Variants in ADARB2 observed in about 807,000 individuals in gnomAD.
ADARB2 encodes the protein inactive double-stranded RNA-specific editase B2.
In ADARB2, 25 loss-of-function variants were observed where a neutral mutation model predicts 62.2. The observed-to-expected ratio is 0.40, with a 90% CI of 0.29 to 0.56. The LOEUF is 0.56. Among genes scored for constraint, ADARB2 ranks in the 20% least tolerant of loss-of-function variants. The pLI is 0.43. For synonymous variants in ADARB2, 572 were observed against 500.8 expected, an observed-to-expected ratio of 1.14 and a Z score of -1.90; for missense variants, 1,071 against 1,077.4, an observed-to-expected ratio of 0.99 and a Z score of 0.08.
chr10:1,585,557 C>A (rs1833164379), intron 1 of ADARB2, among the ~76,000 whole-genome samples: 1 of 152,116 alleles, frequency 6.6e-6, no homozygotes, highest in South Asian at 2.1e-4. Context: ...TGAGCCAGAC[C>A]AAGGCTTACG....
At chr10:1,434,338 C>A (rs1297504899) in intron 1 of ADARB2, among the ~76,000 whole-genome samples, 1 of 152,234 alleles carries the variant, frequency 6.6e-6, no homozygotes, top group South Asian at 2.1e-4. Context: ...GGCCCTCACT[C>A]TCCAAGGCCT....
chr10:1,573,935 C>T lies in ADARB2; in HGVS notation c.100+163116G>A, dbSNP rs185520655. On this transcript the variant is annotated intron_variant, in intron 1 of 9. Transcript: ENST00000381312. Reference sequence around the variant, plus strand: ...ACACAAGACACGTCCTGCTAACCCTCCATCTGTCATGAACTACATCTCTTA... The same window carrying T: ...ACACAAGACACGTCCTGCTAACCCTTCATCTGTCATGAACTACATCTCTTA... 6.6e-5 allele frequency among the ~76,000 whole-genome samples: 10 copies of T among 152,336 alleles called. No homozygotes were observed. The East Asian group carries it at 1.9e-3, about 29-fold the overall frequency.
At chr10:1,221,286 C>T (rs1830692924) in intron 6 of ADARB2, among the ~76,000 whole-genome samples, 1 of 152,110 alleles carries the variant, frequency 6.6e-6, no homozygotes, top group South Asian at 2.1e-4. Context: ...TCTGACAGTC[C>T]AAGTCATCAG....
intron 1 of ADARB2, among the ~76,000 whole-genome samples, chr10:1,449,138 C>A (rs1831007345): frequency 6.6e-6 from 1 of 152,184 alleles, no homozygotes; most frequent in Non-Finnish European, 1.5e-5. Context: ...CCAGGTCCCC[C>A]TCACCCGAGT....
intron 3 of ADARB2, among the ~76,000 whole-genome samples, chr10:1,302,992 C>G (rs1831589531): frequency 6.6e-6 from 1 of 152,318 alleles, no homozygotes; most frequent in African/African-American, 2.4e-5. Flanking sequence ...CAAAGGAACA[C>G]AGCTCCTCAC....
At chr10:1,267,795 A>C (rs1186070957) in intron 4 of ADARB2, among the ~76,000 whole-genome samples, 3 of 152,178 alleles carry the variant, frequency 2.0e-5, no homozygotes, top group African/African-American at 7.2e-5. Flanking sequence ...TTCCCAGCGG[A>C]ACTGTGCTGG....
At chr10:1,595,142 T>C (rs879436576) in intron 1 of ADARB2, among the ~76,000 whole-genome samples, 2 of 152,196 alleles carry the variant, frequency 1.3e-5, no homozygotes, top group African/African-American at 2.4e-5. Flanking sequence ...ACTTATAACA[T>C]AGCCGAGGTT....
chr10:1,499,074 T>C (rs1339518830), intron 1 of ADARB2, among the ~76,000 whole-genome samples: 1 of 152,102 alleles, frequency 6.6e-6, no homozygotes, highest in African/African-American at 2.4e-5. Context: ...TACTCTTCAT[T>C]AATCATTCAG....
At chr10:1,435,702 C>T (rs1830828561) in intron 1 of ADARB2, among the ~76,000 whole-genome samples, 1 of 152,226 alleles carries the variant, frequency 6.6e-6, no homozygotes, top group Non-Finnish European at 1.5e-5. Context: ...TCAGGCCTGC[C>T]TGCGTCCAGC....
At chr10:1,385,701 A>T (rs1432106245) in intron 1 of ADARB2, among the ~76,000 whole-genome samples, 2 of 152,160 alleles carry the variant, frequency 1.3e-5, no homozygotes, top group Admixed American at 6.5e-5. Context: ...AAAATGGAAA[A>T]ACTGTTAAGG....
intron 5 of ADARB2, among the ~76,000 whole-genome samples, chr10:1,239,953 T>C (rs867395343): frequency 0.17 from 350 of 2,026 alleles, 36 homozygotes; most frequent in Non-Finnish European, 0.19. Flanking sequence ...TCCCGGTGTT[T>C]ACTCCCCTCT....
At chr10:1,611,721 C>A (rs897119791) in intron 1 of ADARB2, among the ~76,000 whole-genome samples, 1 of 152,158 alleles carries the variant, frequency 6.6e-6, no homozygotes, top group Admixed American at 6.5e-5. Context: ...CCAGAAGTAG[C>A]GGATTCATTT....
chr10:1,561,729 A>AG (rs1832788146), intron 1 of ADARB2, among the ~76,000 whole-genome samples: 1 of 152,054 alleles, frequency 6.6e-6, no homozygotes, highest in Admixed American at 6.5e-5. Context: ...AACTCCCCCC[A>AG]GGTGGAGGTC....
chr10:1,214,430 G>A (rs1451725504), intron 7 of ADARB2, among the ~76,000 whole-genome samples: 2 of 128,754 alleles, frequency 1.6e-5, no homozygotes, highest in African/African-American at 3.2e-5. Flanking sequence ...ACCTTCTGGC[G>A]TTGTGTAGGT....
At chr10:1,266,520 G>T (rs1473017303) in intron 4 of ADARB2, among the ~76,000 whole-genome samples, 2 of 150,624 alleles carry the variant, frequency 1.3e-5, no homozygotes, top group African/African-American at 4.9e-5. Flanking sequence ...GTGGGGGGGG[G>T]GCCGTGCCCA....
intron 3 of ADARB2, among the ~76,000 whole-genome samples, chr10:1,325,925 C>T (rs1831840498): frequency 6.6e-6 from 1 of 151,440 alleles, no homozygotes; most frequent in East Asian, 1.9e-4. Flanking sequence ...CCTGTTTAAA[C>T]TCCTAACGCC....
chr10:1,534,826 G>C (rs1389058554), intron 1 of ADARB2: 6 of 166,064 alleles, frequency 3.6e-5, no homozygotes, highest in Non-Finnish European at 4.4e-5. Context: ...AAAAGAGTGG[G>C]GTGAGAGAGG....
chr10:1,632,501 C>T (rs1588331174), intron 1 of ADARB2, among the ~76,000 whole-genome samples: 1 of 152,386 alleles, frequency 6.6e-6, no homozygotes, highest in South Asian at 2.1e-4. Flanking sequence ...CAGCACTAGC[C>T]TTGTGACCAT....
At chr10:1,530,774 C>T (rs994250167) in intron 1 of ADARB2, among the ~76,000 whole-genome samples, 1 of 152,232 alleles carries the variant, frequency 6.6e-6, no homozygotes, top group African/African-American at 2.4e-5. Context: ...ACTTGTTTCG[C>T]ATGTATGCCT....
Sources: allele counts gnomAD v4.1 joint callset (sites outside exome capture counted in the v4.1 genomes callset), GRCh38; gene constraint gnomAD v4.1.1; transcripts MANE v1.5; gene names NCBI Gene and HGNC (gene_info 2026-07-23, HGNC 2026-07-21).